The following GPC6 variants were observed in gnomAD, a reference collection of about 807,000 sequenced individuals.
GPC6 encodes the protein glypican 6, also known as glypican-6.
GPC6 carries 14 observed loss-of-function variants against 55.2 expected under a neutral mutation model. The observed-to-expected ratio is 0.25, with a 90% confidence interval of 0.17 to 0.40. The LOEUF (loss-of-function observed/expected upper bound fraction) is 0.40. Ranked by LOEUF, GPC6 falls within the 10% of genes least tolerant of loss-of-function variation. The pLI, the probability that GPC6 is intolerant of heterozygous loss-of-function variation, is 1.00. For missense variants in GPC6, 641 were observed against 708.5 expected (o/e 0.90, Z 1.08); for synonymous variants, 278 against 259.6 (o/e 1.07, Z -0.68).
At chr13:93,352,176 C>T (rs1594112683) in intron 1 of GPC6, among the ~76,000 whole-genome samples, 1 of 152,166 alleles carries the variant, frequency 6.6e-6, no homozygotes. Context: ...TTGCACAACA[C>T]GGTAAATTTA....
chr13:93,665,324 G>A (rs116775476), intron 2 of GPC6, among the ~76,000 whole-genome samples: 165 of 152,304 alleles, frequency 1.1e-3, no homozygotes, highest in African/African-American at 3.7e-3. Flanking sequence ...ATTGATAAAT[G>A]TAAAAATCAA....
In GPC6 at chr13:93,678,203, C is replaced by T. The variant is rs1274139494; in HGVS notation, c.319+132782C>T. ...CCATAATATGCATACCCTTTCACAA[C>T]TTTTTTCTAAGGTGGCTTTATCTCT... is the stretch of plus-strand genomic sequence containing the variant. On this transcript the variant is annotated intron_variant, in intron 2 of 8. Coordinates refer to ENST00000377047, the MANE Select transcript of GPC6 (RefSeq NM_005708.5). 5.3e-5 allele frequency among the ~76,000 whole-genome samples: 8 copies of T among 152,064 alleles called. No individual in the cohort carries two copies. In the East Asian group the frequency reaches 1.4e-3, roughly 26 times the overall value.
At chr13:93,384,635 T>A (rs1355208185) in intron 1 of GPC6, among the ~76,000 whole-genome samples, 5 of 152,202 alleles carry the variant, frequency 3.3e-5, no homozygotes, top group African/African-American at 1.2e-4. Context: ...TGAACTGATT[T>A]GAGTGACACT....
At chr13:93,636,499 G>A (rs966028586) in intron 2 of GPC6, among the ~76,000 whole-genome samples, 3 of 152,048 alleles carry the variant, frequency 2.0e-5, no homozygotes, top group African/African-American at 4.8e-5. Context: ...TGTTTCTCTG[G>A]GAGCAATGTA....
chr13:93,219,048 TCA>T, the GPC6 span, among the ~76,000 whole-genome samples: 10 of 1,104 alleles, frequency 9.1e-3, no homozygotes, highest in East Asian at 0.25. Flanking sequence ...TATATTAATA[TCA>T]TCAACCTGGC....
Position 94,175,062 on chromosome 13 carries a change from C to T in GPC6, c.878-111287C>T, listed in dbSNP as rs369827472. Among the ~76,000 whole-genome samples, 12 of 152,214 alleles carry T rather than the reference C, an allele frequency of 7.9e-5. 1 individual carries two copies. Among genetic ancestry groups the T allele is most frequent in the African/African-American group, 2.9e-4 (12 of 41,530 alleles). On this transcript the variant is annotated intron_variant, in intron 4 of 8. Transcript: ENST00000377047. ...AGATTTCTAACACCATCAATTTTGC[C>T]TGTTCTGGAACTTCTTATAAATGAA...
chr13:93,657,002 A>G (rs1433360872), intron 2 of GPC6, among the ~76,000 whole-genome samples: 1 of 152,152 alleles, frequency 6.6e-6, no homozygotes, highest in African/African-American at 2.4e-5. Context: ...GGAAGAATCA[A>G]TATGGTTAAA....
intron 4 of GPC6, among the ~76,000 whole-genome samples, chr13:94,030,387 G>A (rs1043284630): frequency 6.6e-6 from 1 of 151,998 alleles, no homozygotes; most frequent in African/African-American, 2.4e-5. Flanking sequence ...TTCTGCTGTG[G>A]CATTGAGAAT....
At chr13:93,364,788 C>T (rs918292267) in intron 1 of GPC6, among the ~76,000 whole-genome samples, 1 of 151,344 alleles carries the variant, frequency 6.6e-6, no homozygotes, top group Non-Finnish European at 1.5e-5. Context: ...ACATATCTTG[C>T]CCAATTGGCT....
At chr13:94,181,395 C>A (rs1888989324) in intron 4 of GPC6, among the ~76,000 whole-genome samples, 3 of 152,056 alleles carry the variant, frequency 2.0e-5, no homozygotes, top group Admixed American at 2.0e-4. Context: ...TAGAAAAGAA[C>A]CTGCGTTGAA....
chr13:93,449,622 G>A (rs1987682), intron 1 of GPC6, among the ~76,000 whole-genome samples: 57,572 of 151,880 alleles, frequency 0.38, 11,328 homozygotes, highest in East Asian at 0.48. Flanking sequence ...GAGGTCAGGA[G>A]TTCGAAACCA....
intron 3 of GPC6, among the ~76,000 whole-genome samples, chr13:93,932,745 A>T (rs993141831): frequency 1.3e-5 from 2 of 152,076 alleles, no homozygotes; most frequent in Non-Finnish European, 2.9e-5. Flanking sequence ...GTTTGCAGTC[A>T]CCTAATCGTG....
chr13:93,549,754 T>G (rs2139439915), intron 2 of GPC6, among the ~76,000 whole-genome samples: 1 of 152,170 alleles, frequency 6.6e-6, no homozygotes, highest in Non-Finnish European at 1.5e-5. Flanking sequence ...AGTGGAAGAT[T>G]TGTTTTTAAC....
chr13:93,682,674 T>C (rs1881892079), intron 2 of GPC6, among the ~76,000 whole-genome samples: 3 of 151,952 alleles, frequency 2.0e-5, no homozygotes, highest in Admixed American at 6.6e-5. Flanking sequence ...AATCTGCCCA[T>C]TTTCTTTGAA....
At chr13:93,907,336 C>A (rs1182219394) in intron 3 of GPC6, among the ~76,000 whole-genome samples, 1 of 152,110 alleles carries the variant, frequency 6.6e-6, no homozygotes, top group African/African-American at 2.4e-5. Context: ...ATAAAATTTT[C>A]TCTTCCATTT....
chr13:93,727,034 T>C (rs747137564), intron 2 of GPC6, among the ~76,000 whole-genome samples: 1 of 152,124 alleles, frequency 6.6e-6, no homozygotes, highest in Non-Finnish European at 1.5e-5. Context: ...TTATGCATAA[T>C]TGAATATTGG....
chr13:93,257,733 TG>T (rs1877003397), intron 1 of GPC6, among the ~76,000 whole-genome samples: 1 of 152,100 alleles, frequency 6.6e-6, no homozygotes, highest in Admixed American at 6.6e-5. Flanking sequence ...AGGACACAGG[TG>T]GGAAAGCAGA....
intron 3 of GPC6, among the ~76,000 whole-genome samples, chr13:93,842,853 T>G (rs1263823862): frequency 6.6e-6 from 1 of 151,974 alleles, no homozygotes; most frequent in Non-Finnish European, 1.5e-5. Context: ...GATCCTAAAA[T>G]CAATATGTGT....
At chr13:94,085,789 T>C (rs1309198875) in intron 4 of GPC6, among the ~76,000 whole-genome samples, 2 of 152,146 alleles carry the variant, frequency 1.3e-5, no homozygotes, top group African/African-American at 4.8e-5. Context: ...TGTCTGAAAA[T>C]CCAGTGCCCT....
Sources: gnomAD v4.1 joint callset for allele counts (sites outside exome capture counted in the v4.1 genomes callset) on GRCh38, gnomAD v4.1.1 for gene constraint, MANE v1.5 for transcripts, NCBI Gene and HGNC (gene_info 2026-07-23, HGNC 2026-07-21) for gene names.